The following TTC7A variants were observed in gnomAD, a reference collection of about 807,000 sequenced individuals.
TTC7A encodes tetratricopeptide repeat domain 7A.
TTC7A carries 110 observed loss-of-function variants against 103.7 expected under a neutral mutation model. The ratio of observed to expected loss-of-function variants is 1.06; its 90% confidence interval spans 0.91 to 1.24. TTC7A has a LOEUF of 1.24. TTC7A is among the 50% of genes most tolerant of loss of function. TTC7A has a pLI of 0.00. For missense variants in TTC7A, 1,340 were observed against 1,116.3 expected (o/e 1.20, Z -2.86); for synonymous variants, 521 against 467.9 (o/e 1.11, Z -1.47).
intron 17 of TTC7A, among the ~76,000 whole-genome samples, chr2:47,051,281 G>T (rs1278734813): frequency 6.6e-6 from 1 of 152,054 alleles, no homozygotes; most frequent in Non-Finnish European, 1.5e-5. Context: ...TAAAAATGTG[G>T]TCCTATTCTT....
intron 3 of TTC7A, among the ~76,000 whole-genome samples, chr2:46,959,507 A>G (rs1309106924): frequency 6.6e-6 from 1 of 152,074 alleles, no homozygotes; most frequent in African/African-American, 2.4e-5. Flanking sequence ...TGGTCAGGCT[A>G]GGAGGCTCTG....
chr2:46,920,612 T>C (rs1329351488), intron 2 of TTC7A, among the ~76,000 whole-genome samples: 1 of 150,938 alleles, frequency 6.6e-6, no homozygotes, highest in East Asian at 1.9e-4. Context: ...ATTATAGGCA[T>C]GAACCACCAT....
chr2:46,975,007 C>G lies in TTC7A; in HGVS notation c.552C>G (p.Ala184=). The change falls in exon 4 of 20, where the codon GCC becomes GCG. Residue 184 remains alanine, a synonymous_variant. Transcript: ENST00000319190. ...TGGAACGCCTACCCAACTCCATCGC[C>G]TCCCGCTTCCGCCTGACAGAGAGGG... ...LSLERLPNSI[A]SRFRLTEREE... The G allele has an allele frequency of 6.2e-7, 1 of 1,614,086 alleles. No homozygotes were observed. The highest frequency in any genetic ancestry group is 1.7e-5 in the Admixed American group (1 of 60,024).
intron 11 of TTC7A, among the ~76,000 whole-genome samples, chr2:47,020,982 G>T (rs1263713453): frequency 6.6e-6 from 1 of 152,234 alleles, no homozygotes; most frequent in Non-Finnish European, 1.5e-5. Flanking sequence ...AATGCCCATG[G>T]CTTGGGGCTT....
At chr2:46,957,158 A>C in intron 3 of TTC7A, 151 bp downstream of exon 3, 2 of 969,630 alleles carry the variant, frequency 2.1e-6, no homozygotes, top group South Asian at 3.2e-5. Flanking sequence ...GCCGGTGGCA[A>C]CCGGCCATGT....
intron 15 of TTC7A, among the ~76,000 whole-genome samples, chr2:47,044,096 CCCA>C (rs1682053187): frequency 6.6e-6 from 1 of 152,174 alleles, no homozygotes; most frequent in South Asian, 2.1e-4. Context: ...GAGGGGCTTT[CCCA>C]CCTCACTGAC....
intron 2 of TTC7A, chr2:46,917,308 T>A: frequency 1.5e-6 from 1 of 649,096 alleles, no homozygotes; most frequent in African/African-American, 1.8e-5. Flanking sequence ...AAAGAATCCC[T>A]AAGTTTTGAG....
At chr2:46,950,570 G>C (rs149184168) in intron 2 of TTC7A, 44 bp downstream of exon 2, 497 of 1,600,350 alleles carry the variant, frequency 3.1e-4, no homozygotes, top group Non-Finnish European at 3.9e-4. Context: ...CTCCTCGTCT[G>C]TCTTGCCTCG....
At chr2:47,038,424 G>A (rs1052397939) in intron 15 of TTC7A, among the ~76,000 whole-genome samples, 4 of 152,142 alleles carry the variant, frequency 2.6e-5, no homozygotes, top group Non-Finnish European at 4.4e-5. Flanking sequence ...GCAGCCTCTG[G>A]CCTCCTGGCC....
At chr2:47,045,994 C>T (rs989606113) in intron 15 of TTC7A, among the ~76,000 whole-genome samples, 1 of 152,160 alleles carries the variant, frequency 6.6e-6, no homozygotes, top group African/African-American at 2.4e-5. Flanking sequence ...AAGAGCAAAC[C>T]GAGCAAGACC....
chr2:46,940,828 C>T (rs551810169), upstream of TTC7A, among the ~76,000 whole-genome samples: 30 of 152,226 alleles, frequency 2.0e-4, no homozygotes, highest in East Asian at 5.7e-3. The surrounding 1 kb of genome is among the most constrained non-coding windows in gnomAD (Gnocchi z 4.7). Flanking sequence ...CCGGGAGGCT[C>T]GCCGTCGGGG....
chr2:47,026,672 TATTC>T (rs1000658388), intron 14 of TTC7A, among the ~76,000 whole-genome samples: 1 of 145,200 alleles, frequency 6.9e-6, no homozygotes, highest in African/African-American at 2.7e-5. Context: ...GGTTCTGTCC[TATTC>T]CTTAGTTTTC....
intron 11 of TTC7A, among the ~76,000 whole-genome samples, chr2:47,013,932 C>T (rs576145096): frequency 6.6e-5 from 10 of 152,190 alleles, no homozygotes; most frequent in East Asian, 1.9e-4. Context: ...ATGGGTGGCC[C>T]GAGAGTGGGC....
chr2:46,999,621 A>G, intron 8 of TTC7A: 1 of 985,438 alleles, frequency 1.0e-6, no homozygotes, highest in Non-Finnish European at 1.2e-6. Context: ...TGGTCCCCAA[A>G]TCAGAAGGAA....
At position 47,029,663 on chromosome 2, in the gene TTC7A, G is replaced by C. The variant is rs7602479; in HGVS notation, c.1802+279G>C. ...GCATGGGCCACAAAGGAGACTGCTT[G>C]AATGCATGTGTTTGGGCTGCTTCTG... On this transcript the variant is annotated intron_variant, in intron 15 of 19. Transcript: ENST00000319190. Among the ~76,000 whole-genome samples the C allele has an allele frequency of 0.43, 65,137 of 152,044 alleles. 15,069 individuals carry two copies. Among genetic ancestry groups the C allele is most frequent in the East Asian group, 0.67 (3,439 of 5,164 alleles).
At chr2:46,941,043 G>T (rs1670290221), upstream of TTC7A, 2 of 151,346 alleles carry the variant, frequency 1.3e-5, no homozygotes, top group South Asian at 1.8e-4. The surrounding 1 kb of genome is among the most constrained non-coding windows in gnomAD (Gnocchi z 4.2). Context: ...TCCGCGGCGG[G>T]GGCGGCGGCG....
intron 2 of TTC7A, among the ~76,000 whole-genome samples, chr2:46,921,694 A>G (rs1006870157): frequency 2.0e-5 from 3 of 152,164 alleles, no homozygotes; most frequent in Admixed American, 6.5e-5. Context: ...ATGGAAGACA[A>G]TTTTTCCATG....
chr2:47,019,426 A>G (rs1007144740), intron 11 of TTC7A, among the ~76,000 whole-genome samples: 3 of 152,110 alleles, frequency 2.0e-5, no homozygotes, highest in Non-Finnish European at 4.4e-5. Flanking sequence ...CCATATAGGG[A>G]GATGGTACAT....
chr2:47,029,121 C>A lies in TTC7A; in HGVS notation c.1642-103C>A. On this transcript the variant is annotated intron_variant, in intron 14 of 19. Transcript: ENST00000319190. ...CTCCCTGCCCCCAGTGCCTGGGGCT[C>A]CCTTGAGTTGAGTGTGAGTGCCCTT... 2.1e-6 allele frequency: 3 copies of A among 1,396,842 alleles called. No individual in the cohort carries two copies. In the South Asian group the frequency reaches 3.8e-5, roughly 18 times the overall value. The allele number at this position is 1,396,842 out of a possible 1,614,324, so 86.5% of individuals were successfully genotyped here. A position where few individuals can be genotyped will look rare whatever the true frequency, so the allele number is the denominator to read the frequency against.
Sources: gnomAD v4.1 joint callset for allele counts (sites outside exome capture counted in the v4.1 genomes callset) on GRCh38, gnomAD v4.1.1 for gene constraint, Gnocchi (gnomAD v3.1) non-coding constraint, MANE v1.5 for transcripts, NCBI Gene and HGNC (gene_info 2026-07-23, HGNC 2026-07-21) for gene names.